Variants in AMBN observed in about 807,000 individuals in gnomAD.
AMBN encodes enamel matrix protein.
AMBN carries 54 observed loss-of-function variants against 48.0 expected under a neutral mutation model. The ratio of observed to expected loss-of-function variants is 1.12; its 90% confidence interval spans 0.90 to 1.41. AMBN has a LOEUF of 1.41. AMBN is among the 40% of genes most tolerant of loss of function. The pLI, the probability that AMBN is intolerant of heterozygous loss-of-function variation, is 0.00. For synonymous variants in AMBN, 186 were observed against 190.0 expected (o/e 0.98, Z 0.17); for missense variants, 571 against 547.3 (o/e 1.04, Z -0.43).
chr4:70,598,431 C>A lies in AMBN; in HGVS notation c.183+28C>A, dbSNP rs1490713146. The A allele has an allele frequency of 1.9e-6, 3 of 1,555,910 alleles. No homozygotes were observed. In the Admixed American group the frequency reaches 5.4e-5, roughly 28 times the overall value. On this transcript the variant is annotated intron_variant, in intron 4 of 12. Transcript: ENST00000322937. ...AATCATATTTCTTATTGCAAGTATT[C>A]ATGGTGGTGGTAGTGTTAATATTAG...
At chr4:70,603,560 C>A in intron 11 of AMBN, 100 bp downstream of exon 11, 2 of 1,226,010 alleles carry the variant, frequency 1.6e-6, no homozygotes, top group Non-Finnish European at 2.3e-6. Flanking sequence ...TCCAAATAAA[C>A]ATTCTCTGAA....
At chr4:70,597,097 T>C in intron 3 of AMBN, 48 bp downstream of exon 3, 2 of 1,528,100 alleles carry the variant, frequency 1.3e-6, no homozygotes, top group Non-Finnish European at 1.8e-6. Flanking sequence ...ATTGGTATAT[T>C]TGTGGTACAG....
At position 70,598,355 on chromosome 4, in the gene AMBN, G is replaced by A; in HGVS notation, c.136-1G>A. ...AGTAACCCACTTTTTTTTCTTGATA[G>A]ACAATGAGACAGTTGGGAAGTCTGC... On this transcript the variant is annotated splice_acceptor_variant, in intron 3 of 12. Transcript: ENST00000322937. LOFTEE classifies it high-confidence loss of function. 6.4e-7 allele frequency: 1 copy of A among 1,566,760 alleles called. No homozygotes were observed. Among genetic ancestry groups the A allele is most frequent in the Non-Finnish European group, 8.6e-7 (1 of 1,156,586 alleles).
chr4:70,600,531 A>T (rs1737495989), intron 5 of AMBN, among the ~76,000 whole-genome samples: 1 of 152,182 alleles, frequency 6.6e-6, no homozygotes, highest in African/African-American at 2.4e-5. Flanking sequence ...AAAGTGCTGA[A>T]TTGTGACATG....
Position 70,606,840 on chromosome 4 carries a change from A to G in AMBN, c.*110A>G. ...TACCCTTCTGCAGCAAAGGCATTAAAAGCGCTAAGCATATATTAATAAATG... is the reference window on the plus strand; with the variant it reads ...TACCCTTCTGCAGCAAAGGCATTAAGAGCGCTAAGCATATATTAATAAATG... On this transcript the variant is annotated 3_prime_UTR_variant, in exon 13 of 13. Transcript: ENST00000322937. 2.5e-6 allele frequency: 3 copies of G among 1,216,372 alleles called. No individual in the cohort carries two copies. The highest frequency in any genetic ancestry group is 3.4e-6 in the Non-Finnish European group (3 of 881,654). The allele number at this position is 1,216,372 out of a possible 1,614,324, so 75.3% of individuals were successfully genotyped here. A position where few individuals can be genotyped will look rare whatever the true frequency, so the allele number is the denominator to read the frequency against.
chr4:70,603,542 C>T, intron 11 of AMBN, 82 bp downstream of exon 11: 2 of 1,324,050 alleles, frequency 1.5e-6, no homozygotes, highest in Non-Finnish European at 2.1e-6. Flanking sequence ...AGGTCTCACA[C>T]AAGAGATTCC....
At chr4:70,595,700 C>G (rs919234050) in intron 2 of AMBN, among the ~76,000 whole-genome samples, 4 of 152,042 alleles carry the variant, frequency 2.6e-5, no homozygotes, top group African/African-American at 9.7e-5. Flanking sequence ...GCATTACAAC[C>G]CCTTGGTCTT....
At chr4:70,604,621 A>G (rs1000520596) in intron 12 of AMBN, among the ~76,000 whole-genome samples, 1 of 152,250 alleles carries the variant, frequency 6.6e-6, no homozygotes. Context: ...CTGTGAAAGA[A>G]AAATTACATC....
intron 12 of AMBN, 121 bp downstream of exon 12, chr4:70,604,042 C>A: frequency 1.1e-6 from 1 of 896,104 alleles, no homozygotes; most frequent in Non-Finnish European, 1.7e-6. Context: ...CAGATTTTTC[C>A]ACTCCAAAAA....
Position 70,601,607 on chromosome 4 carries a change from C to G in AMBN, c.484C>G (p.Leu162Val). 6.2e-7 allele frequency: 1 copy of G among 1,614,148 alleles called. No homozygotes were observed. The highest frequency in any genetic ancestry group is 8.5e-7 in the Non-Finnish European group (1 of 1,180,006). The change falls in exon 6 of 13, where the codon CTG becomes GTG. Residue 162 changes from leucine to valine, a missense_variant. Coordinates refer to ENST00000322937, the MANE Select transcript of AMBN (RefSeq NM_016519.6). ...HLPLQEGELP[L>V]VQQQVAPSDK... The stretch of plus-strand genomic sequence containing the variant: ...GCCCTTGCAGGAAGGAGAACTGCCT[C>G]TGGTTCAGCAGCAGGTGGCACCATC...
At chr4:70,599,901 T>C (rs1480243901) in intron 5 of AMBN, among the ~76,000 whole-genome samples, 1 of 152,176 alleles carries the variant, frequency 6.6e-6, no homozygotes, top group African/African-American at 2.4e-5. Context: ...AAGATATCAG[T>C]AAACAATCCT....
intron 3 of AMBN, 51 bp downstream of exon 3, chr4:70,597,100 T>C (rs753659960): frequency 6.6e-5 from 100 of 1,517,060 alleles, no homozygotes; most frequent in Non-Finnish European, 8.8e-5. Context: ...GGTATATTTG[T>C]GGTACAGGAG....
chr4:70,596,254 T>G (rs190373217), intron 2 of AMBN, among the ~76,000 whole-genome samples: 5 of 146,202 alleles, frequency 3.4e-5, no homozygotes, highest in Admixed American at 2.1e-4. Flanking sequence ...CACTCCAGCC[T>G]GGGTGACACA....
intron 2 of AMBN, 26 bp from the exon 3 acceptor site, chr4:70,596,973 T>A (rs1187075557): frequency 6.2e-7 from 1 of 1,609,592 alleles, no homozygotes; most frequent in South Asian, 1.1e-5. Flanking sequence ...CCAATAAGAC[T>A]CAAAATTATT....
At chr4:70,600,788 G>A (rs1359447797) in intron 5 of AMBN, among the ~76,000 whole-genome samples, 7 of 152,108 alleles carry the variant, frequency 4.6e-5, no homozygotes, top group Non-Finnish European at 1.0e-4. Flanking sequence ...AGTTCCAGGC[G>A]GTCTTCCACA....
At chr4:70,598,711 C>G (rs1346976263) in intron 4 of AMBN, among the ~76,000 whole-genome samples, 2 of 151,906 alleles carry the variant, frequency 1.3e-5, no homozygotes, top group Non-Finnish European at 2.9e-5. Context: ...TAGCTCAAAA[C>G]GAAATTTAAG....
chr4:70,593,409 T>C lies in AMBN; in HGVS notation c.84+14T>C. ...TTTGCAGTGCCGGTAAGTCAGTCTT[T>C]AGAGTGTGTCCCAGAAAAGGTTATT... is the stretch of plus-strand genomic sequence containing the variant. On this transcript the variant is annotated intron_variant, in intron 2 of 12. Transcript: ENST00000322937. The C allele has an allele frequency of 5.0e-6, 8 of 1,601,480 alleles. No homozygotes were observed. Among genetic ancestry groups the C allele is most frequent in the Non-Finnish European group, 6.0e-6 (7 of 1,168,848 alleles).
rs527740107 is a variant in AMBN, at chr4:70,606,632, A to G, written c.1246A>G (p.Thr416Ala). Residue 416 changes from threonine to alanine, a missense_variant, in exon 13 of 13, where the codon ACC becomes GCC. By Grantham distance (58) the Thr-to-Ala change is moderately conservative. Coordinates refer to ENST00000322937, the MANE Select transcript of AMBN (RefSeq NM_016519.6). Reference protein sequence around the residue: ...VDFQEEATMDTTMAPNSLQTS... With the variant: ...VDFQEEATMDATMAPNSLQTS... ...TTTCCAGGAAGAAGCAACCATGGAT[A>G]CCACGATGGCCCCAAACTCTCTGCA... 3 of 1,614,150 alleles carry G rather than the reference A, an allele frequency of 1.9e-6. No homozygotes were observed. The African/African-American group carries it at 4.0e-5, about 22-fold the overall frequency.
chr4:70,593,406 C>T lies in AMBN; in HGVS notation c.84+11C>T. 1 of 1,602,452 alleles carries T rather than the reference C, an allele frequency of 6.2e-7. No homozygotes were observed. The highest frequency in any genetic ancestry group is 8.5e-7 in the Non-Finnish European group (1 of 1,169,736). ...AGTTTTGCAGTGCCGGTAAGTCAGT[C>T]TTTAGAGTGTGTCCCAGAAAAGGTT... On this transcript the variant is annotated intron_variant, in intron 2 of 12. Transcript: ENST00000322937.
Sources: gnomAD v4.1 joint callset for allele counts (sites outside exome capture counted in the v4.1 genomes callset) on GRCh38, gnomAD v4.1.1 for gene constraint, MANE v1.5 for transcripts, NCBI Gene and HGNC (gene_info 2026-07-23, HGNC 2026-07-21) for gene names.